DLG1: variants seen among roughly 807,000 people sequenced by gnomAD.
DLG1 encodes the protein discs large MAGUK scaffold protein 1.
Under a neutral mutation model 123.4 loss-of-function variants are expected in DLG1, and 42 were observed. The observed-to-expected ratio is 0.34, with a 90% CI of 0.27 to 0.44. The LOEUF (loss-of-function observed/expected upper bound fraction) is 0.44, where lower values mean the gene tolerates loss of function less well. Among genes scored for constraint, DLG1 ranks in the 20% least tolerant of loss-of-function variants. The pLI is 1.00. For synonymous variants in DLG1, 317 were observed against 356.2 expected (o/e 0.89, Z 1.24); for missense variants, 942 against 1,082.6 (o/e 0.87, Z 1.82).
intron 4 of DLG1, among the ~76,000 whole-genome samples, chr3:197,239,356 C>A (rs1216620378): frequency 6.6e-6 from 1 of 152,102 alleles, no homozygotes; most frequent in Non-Finnish European, 1.5e-5. Context: ...AAAGAAAAGT[C>A]CTGGACCTGA....
At chr3:197,289,158 G>A (rs1459367741) in intron 3 of DLG1, among the ~76,000 whole-genome samples, 1 of 152,196 alleles carries the variant, frequency 6.6e-6, no homozygotes. Flanking sequence ...AAAAACAATT[G>A]TGCTGTAATT....
At chr3:197,086,272 G>A (rs1051080958) in intron 15 of DLG1, among the ~76,000 whole-genome samples, 2 of 152,094 alleles carry the variant, frequency 1.3e-5, no homozygotes, top group African/African-American at 4.8e-5. Flanking sequence ...TAACAATGAT[G>A]GACACTAATT....
chr3:197,201,776 C>T (rs887202385), intron 4 of DLG1, among the ~76,000 whole-genome samples: 6 of 151,680 alleles, frequency 4.0e-5, no homozygotes, highest in Non-Finnish European at 8.8e-5. Context: ...TGTAATACTA[C>T]AATAAAATAC....
intron 18 of DLG1, 143 bp from the exon 19 acceptor site, chr3:197,069,403 T>A: frequency 2.1e-6 from 1 of 481,844 alleles, no homozygotes; most frequent in Non-Finnish European, 3.6e-6. Flanking sequence ...AACGTTTAAG[T>A]TTTTCAAATA....
intron 3 of DLG1, among the ~76,000 whole-genome samples, chr3:197,286,964 C>T (rs338181): frequency 0.28 from 42,031 of 151,504 alleles, 6,202 homozygotes; most frequent in Middle Eastern, 0.38. Flanking sequence ...CCTTCACCTC[C>T]TGGGCTCAAC....
intron 5 of DLG1, among the ~76,000 whole-genome samples, chr3:197,158,349 G>T (rs1797242501): frequency 6.6e-6 from 1 of 151,862 alleles, no homozygotes; most frequent in African/African-American, 2.4e-5. Flanking sequence ...CTGGCTGGAT[G>T]CAGTGGCTCA....
intron 23 of DLG1, among the ~76,000 whole-genome samples, chr3:197,053,764 C>A (rs1160152997): frequency 1.2e-4 from 15 of 121,002 alleles, no homozygotes; most frequent in African/African-American, 2.1e-4. Context: ...ACAGAGTAGA[C>A]CCTGTCTCAT....
intron 5 of DLG1, among the ~76,000 whole-genome samples, chr3:197,179,984 G>C (rs942269053): frequency 1.4e-5 from 2 of 142,984 alleles, no homozygotes; most frequent in African/African-American, 5.2e-5. Context: ...TTTCAATTCT[G>C]ACAAGTTTTC....
intron 10 of DLG1, among the ~76,000 whole-genome samples, chr3:197,135,010 C>T (rs953259137): frequency 1.3e-5 from 2 of 152,162 alleles, no homozygotes; most frequent in African/African-American, 4.8e-5. Context: ...ACAGTGTCTG[C>T]CTAGAAGACT....
intron 5 of DLG1, among the ~76,000 whole-genome samples, chr3:197,165,365 T>C (rs1166608489): frequency 6.6e-6 from 1 of 152,194 alleles, no homozygotes; most frequent in Admixed American, 6.5e-5. Flanking sequence ...TTTAAAGCAT[T>C]GGATTTTGTG....
intron 6 of DLG1, among the ~76,000 whole-genome samples, chr3:197,147,448 A>G (rs1238107887): frequency 6.8e-6 from 1 of 147,752 alleles, no homozygotes; most frequent in East Asian, 1.9e-4. Context: ...ACACACACAC[A>G]CACACACACA....
intron 4 of DLG1, among the ~76,000 whole-genome samples, chr3:197,227,378 G>C (rs1034460434): frequency 6.6e-6 from 1 of 151,966 alleles, no homozygotes; most frequent in African/African-American, 2.4e-5. Flanking sequence ...GGGGGACTGG[G>C]GCAGGAGAAT....
chr3:197,130,210 A>C (rs1161784069), intron 11 of DLG1, among the ~76,000 whole-genome samples: 10 of 152,188 alleles, frequency 6.6e-5, no homozygotes, highest in Admixed American at 6.5e-4. Flanking sequence ...TTCTGTGCTC[A>C]AGTGGAAAAC....
chr3:197,048,567 G>C (rs557795579), intron 24 of DLG1, among the ~76,000 whole-genome samples: 24 of 152,310 alleles, frequency 1.6e-4, no homozygotes, highest in African/African-American at 5.8e-4. Context: ...ATGGTATGAA[G>C]AAAAGGGAAC....
At chr3:197,262,514 G>A (rs1200419724) in intron 4 of DLG1, among the ~76,000 whole-genome samples, 1 of 152,154 alleles carries the variant, frequency 6.6e-6, no homozygotes, top group African/African-American at 2.4e-5. Flanking sequence ...CAAACCCAAG[G>A]AAGGGGTTGT....
intron 5 of DLG1, among the ~76,000 whole-genome samples, chr3:197,190,077 C>CA (rs1243211392): frequency 1.3e-5 from 2 of 151,884 alleles, no homozygotes; most frequent in Non-Finnish European, 2.9e-5. Flanking sequence ...AAGCAGATAC[C>CA]AAAAAACTGA....
chr3:197,136,209 C>T (rs374046686), intron 10 of DLG1: 2 of 177,812 alleles, frequency 1.1e-5, no homozygotes, highest in African/African-American at 2.4e-5. Flanking sequence ...TTTCATTATA[C>T]TATTAAGTGA....
chr3:197,207,250 TTAAACTAA>T (rs1025578116), intron 4 of DLG1, among the ~76,000 whole-genome samples: 8 of 152,202 alleles, frequency 5.3e-5, no homozygotes, highest in Non-Finnish European at 1.2e-4. Context: ...AATCTCTGAT[TTAAACTAA>T]TAATAAGCAA....
At chr3:197,158,404 C>T (rs1171773095) in intron 5 of DLG1, among the ~76,000 whole-genome samples, 1 of 149,586 alleles carries the variant, frequency 6.7e-6, no homozygotes, top group Admixed American at 6.7e-5. Context: ...AGGCGGACTA[C>T]CTGAAGTCGG....
Sources: allele counts gnomAD v4.1 joint callset (sites outside exome capture counted in the v4.1 genomes callset), GRCh38; gene constraint gnomAD v4.1.1; transcripts MANE v1.5; gene names NCBI Gene and HGNC (gene_info 2026-07-23, HGNC 2026-07-21).